The following RFX3 variants were observed in gnomAD, a reference collection of about 807,000 sequenced individuals.
RFX3 encodes the protein transcription factor RFX3.
A neutral mutation model predicts 98.6 loss-of-function variants in RFX3; 14 were observed. The ratio of observed to expected loss-of-function variants is 0.14; its 90% CI spans 0.09 to 0.22. The LOEUF (loss-of-function observed/expected upper bound fraction) is 0.22, where lower values mean the gene tolerates loss of function less well. Ranked by LOEUF, RFX3 falls within the 10% of genes least tolerant of loss-of-function variation. RFX3 has a pLI of 1.00. For missense variants in RFX3, 639 were observed against 926.9 expected, an observed-to-expected ratio of 0.69 and a Z score of 4.03; for synonymous variants, 383 against 328.4, an observed-to-expected ratio of 1.17 and a Z score of -1.80.
chr9:3,361,088 G>C (rs1366387719), intron 2 of RFX3, among the ~76,000 whole-genome samples: 1 of 152,134 alleles, frequency 6.6e-6, no homozygotes, highest in Non-Finnish European at 1.5e-5. Flanking sequence ...AGACCTACAA[G>C]AAATAGGAGA....
At chr9:3,487,978 A>T (rs1850413293) in intron 1 of RFX3, among the ~76,000 whole-genome samples, 1 of 152,156 alleles carries the variant, frequency 6.6e-6, no homozygotes, top group African/African-American at 2.4e-5. Context: ...GAGCTTTGTA[A>T]AGCATGACCT....
At chr9:3,504,748 G>A (rs1365097224) in intron 1 of RFX3, among the ~76,000 whole-genome samples, 2 of 105,396 alleles carry the variant, frequency 1.9e-5, no homozygotes, top group Admixed American at 1.2e-4. Context: ...GGTATATATT[G>A]TATATAAAAT....
intron 1 of RFX3, among the ~76,000 whole-genome samples, chr9:3,431,447 A>G (rs1479022917): frequency 6.6e-6 from 1 of 152,190 alleles, no homozygotes; most frequent in Non-Finnish European, 1.5e-5. Context: ...TGAACACAGC[A>G]TAAGAATGAT....
intron 1 of RFX3, chr9:3,488,710 C>T (rs944004759): frequency 2.3e-6 from 2 of 867,864 alleles, no homozygotes; most frequent in Non-Finnish European, 2.8e-6. Flanking sequence ...TCTCTTTCAA[C>T]CTTATATCCA....
chr9:3,398,079 T>C (rs1426237322), intron 1 of RFX3, among the ~76,000 whole-genome samples: 1 of 152,212 alleles, frequency 6.6e-6, no homozygotes, highest in African/African-American at 2.4e-5. Flanking sequence ...TCCAGATTTT[T>C]ATGTGAAATC....
chr9:3,374,728 G>C (rs1220770659), intron 2 of RFX3, among the ~76,000 whole-genome samples: 1 of 152,106 alleles, frequency 6.6e-6, no homozygotes, highest in Non-Finnish European at 1.5e-5. Flanking sequence ...TGGGTAGAGA[G>C]TTTCAGCTTT....
intron 3 of RFX3, among the ~76,000 whole-genome samples, chr9:3,335,654 T>G (rs915495385): frequency 2.6e-5 from 4 of 152,234 alleles, no homozygotes; most frequent in Admixed American, 2.0e-4. Context: ...GACTAAGTCA[T>G]GAAAATAATG....
intron 14 of RFX3, among the ~76,000 whole-genome samples, chr9:3,252,556 G>C (rs770039271): frequency 2.9e-4 from 44 of 152,168 alleles, no homozygotes; most frequent in Non-Finnish European, 5.9e-4. Context: ...AAGAGCTTGA[G>C]ACAGAACTGC....
chr9:3,333,087 C>G (rs1832778013), intron 3 of RFX3, among the ~76,000 whole-genome samples: 1 of 152,160 alleles, frequency 6.6e-6, no homozygotes, highest in Admixed American at 6.5e-5. Flanking sequence ...ACACTTAACA[C>G]AGTTGCTGGT....
intron 14 of RFX3, 25 bp downstream of exon 14, chr9:3,256,966 A>G: frequency 6.3e-7 from 1 of 1,596,890 alleles, no homozygotes. Flanking sequence ...TGAAGAAGAA[A>G]GCCTAGGAAA....
At chr9:3,292,342 G>A (rs1827498992) in intron 6 of RFX3, among the ~76,000 whole-genome samples, 1 of 151,950 alleles carries the variant, frequency 6.6e-6, no homozygotes. Context: ...ATGATATTTT[G>A]GTTAGTGAAA....
intron 15 of RFX3, among the ~76,000 whole-genome samples, chr9:3,242,902 C>T (rs515913): frequency 0.88 from 133,179 of 151,828 alleles, 58,886 homozygotes; most frequent in South Asian, 0.96. Flanking sequence ...GTGGCTTAGA[C>T]ATAATATTAA....
intron 3 of RFX3, chr9:3,344,741 G>A (rs1371202861): frequency 4.6e-6 from 3 of 649,092 alleles, no homozygotes; most frequent in East Asian, 2.8e-5. Flanking sequence ...GTGACCTCTA[G>A]CAGTGTCTAC....
chr9:3,341,891 A>G (rs1469049703), intron 3 of RFX3, among the ~76,000 whole-genome samples: 1 of 152,242 alleles, frequency 6.6e-6, no homozygotes, highest in Non-Finnish European at 1.5e-5. Context: ...ACAGAATTCC[A>G]TGTAACCATT....
At chr9:3,338,084 T>C (rs767580258) in intron 3 of RFX3, among the ~76,000 whole-genome samples, 14 of 152,204 alleles carry the variant, frequency 9.2e-5, no homozygotes, top group Non-Finnish European at 1.9e-4. Context: ...ATGTCTATTT[T>C]GTGGAAGACA....
chr9:3,283,719 G>A (rs1227769211), intron 7 of RFX3, among the ~76,000 whole-genome samples: 2 of 151,758 alleles, frequency 1.3e-5, no homozygotes, highest in Non-Finnish European at 1.5e-5. Context: ...GTGAAAGAAA[G>A]GTTTATTCTT....
chr9:3,310,106 G>A (rs951447736), intron 4 of RFX3, among the ~76,000 whole-genome samples: 3 of 152,160 alleles, frequency 2.0e-5, no homozygotes, highest in Admixed American at 1.3e-4. Context: ...ACAAGTAATC[G>A]AGACTGGCTG....
At position 3,223,864 on chromosome 9, in the gene RFX3, T is replaced by G. The variant is rs1016786476; in HGVS notation, c.*1178A>C. 3.3e-5 allele frequency: 5 copies of G among 152,212 alleles called. No homozygotes were observed. The highest frequency in any genetic ancestry group is 1.2e-4 in the African/African-American group (5 of 41,450). 9.4% of individuals were successfully genotyped at this position (152,212 alleles called of 1,614,324 possible). ...ATGATCCCTGATGTACATTCTTCAA[T>G]GGCAATGGTCCATCCAGCCACCTAT... On this transcript the variant is annotated 3_prime_UTR_variant, in exon 17 of 17. Coordinates refer to ENST00000617270, the MANE Select transcript of RFX3 (RefSeq NM_001282116.2).
At chr9:3,413,547 C>T (rs954457171) in intron 1 of RFX3, among the ~76,000 whole-genome samples, 1 of 151,922 alleles carries the variant, frequency 6.6e-6, no homozygotes, top group African/African-American at 2.4e-5. Context: ...CAAGACAATA[C>T]AAAAACCTCA....
Sources: gnomAD v4.1 joint callset for allele counts (sites outside exome capture counted in the v4.1 genomes callset) on GRCh38, gnomAD v4.1.1 for gene constraint, MANE v1.5 for transcripts, NCBI Gene and HGNC (gene_info 2026-07-23, HGNC 2026-07-21) for gene names.